COMMD6: variants seen among roughly 807,000 people sequenced by gnomAD.
COMMD6 encodes the protein COMM domain containing 6, also known as COMM domain-containing protein 6.
COMMD6 carries 11 observed loss-of-function variants against 13.4 expected under a neutral mutation model. The ratio of observed to expected loss-of-function variants is 0.82; its 90% CI spans 0.52 to 1.36. The LOEUF (loss-of-function observed/expected upper bound fraction) is 1.36. Ranked by LOEUF, COMMD6 falls within the 40% of genes most tolerant of loss-of-function variation. The probability of loss-of-function intolerance (pLI) is 0.00; values close to 1 mark genes in which losing one functional copy is unlikely to be tolerated. For synonymous variants in COMMD6, 43 were observed against 36.5 expected (o/e 1.18, Z -0.64); for missense variants, 124 against 102.4 (o/e 1.21, Z -0.91).
upstream of COMMD6, chr13:75,538,850 G>C (rs2030770711): frequency 6.6e-6 from 1 of 152,012 alleles, no homozygotes; most frequent in Admixed American, 6.5e-5. Context: ...TAAACGGTCA[G>C]CAGGACTGTG....
upstream of COMMD6, among the ~76,000 whole-genome samples, chr13:75,542,548 C>T (rs887418583): frequency 6.6e-6 from 1 of 152,184 alleles, no homozygotes; most frequent in Non-Finnish European, 1.5e-5. Flanking sequence ...CTTAGCCTCC[C>T]AAAGTACTGG....
chr13:75,536,046 C>T (rs2030652139), intron 2 of COMMD6, among the ~76,000 whole-genome samples: 1 of 152,026 alleles, frequency 6.6e-6, no homozygotes, highest in Non-Finnish European at 1.5e-5. Flanking sequence ...TGCCTCCACA[C>T]CTGATTAATT....
At chr13:75,531,318 G>A (rs1344208788) in intron 2 of COMMD6, among the ~76,000 whole-genome samples, 2 of 152,164 alleles carry the variant, frequency 1.3e-5, no homozygotes, top group Non-Finnish European at 1.5e-5. Context: ...GTTCCCAAGT[G>A]TGCCTCAATC....
chr13:75,535,082 G>T (rs2030616034), intron 2 of COMMD6, among the ~76,000 whole-genome samples: 1 of 152,184 alleles, frequency 6.6e-6, no homozygotes, highest in African/African-American at 2.4e-5. Flanking sequence ...TATAACCTGG[G>T]ACGACCTCTT....
chr13:75,548,902 T>C (rs2030967036), intron 1 of COMMD6, among the ~76,000 whole-genome samples: 1 of 152,224 alleles, frequency 6.6e-6, no homozygotes, highest in African/African-American at 2.4e-5. Flanking sequence ...TCTGTTTACC[T>C]CTACAGCATC....
intron 1 of COMMD6, among the ~76,000 whole-genome samples, chr13:75,547,349 A>C (rs912936939): frequency 2.0e-5 from 3 of 152,206 alleles, no homozygotes; most frequent in Admixed American, 1.3e-4. Context: ...TTTGTGAGTG[A>C]CCACGACAAC....
At chr13:75,528,085 A>T (rs971815252) in intron 3 of COMMD6, among the ~76,000 whole-genome samples, 1 of 151,384 alleles carries the variant, frequency 6.6e-6, no homozygotes, top group African/African-American at 2.4e-5. Context: ...GTGGGGGTGG[A>T]TGTGTTAATT....
intron 2 of COMMD6, among the ~76,000 whole-genome samples, chr13:75,533,604 ATTC>A (rs2030567933): frequency 6.6e-6 from 1 of 151,022 alleles, no homozygotes; most frequent in Non-Finnish European, 1.5e-5. Flanking sequence ...AGAGAGAGAT[ATTC>A]TTCTGGTGGC....
intron 2 of COMMD6, among the ~76,000 whole-genome samples, chr13:75,532,608 G>A (rs1463757536): frequency 2.0e-5 from 3 of 152,106 alleles, no homozygotes; most frequent in Non-Finnish European, 4.4e-5. Flanking sequence ...GAGGTGGGCG[G>A]ATCACGAGGT....
chr13:75,534,056 AC>A (rs1285431993), intron 2 of COMMD6, among the ~76,000 whole-genome samples: 12 of 151,884 alleles, frequency 7.9e-5, no homozygotes, highest in African/African-American at 2.7e-4. Context: ...TGCAGCCTAG[AC>A]CTCCTGGGCT....
upstream of COMMD6, among the ~76,000 whole-genome samples, chr13:75,539,106 T>C (rs2030776963): frequency 6.6e-6 from 1 of 152,220 alleles, no homozygotes; most frequent in African/African-American, 2.4e-5. Flanking sequence ...TGATCTCCCT[T>C]TCTGTATGAT....
upstream of COMMD6, among the ~76,000 whole-genome samples, chr13:75,541,352 C>A (rs1453793964): frequency 1.3e-5 from 2 of 152,020 alleles, no homozygotes. Context: ...ATCTCCACTT[C>A]TCAGTTGTGG....
At chr13:75,548,483 T>C (rs551181467) in intron 1 of COMMD6, among the ~76,000 whole-genome samples, 4 of 152,320 alleles carry the variant, frequency 2.6e-5, no homozygotes, top group African/African-American at 7.2e-5. Flanking sequence ...TGCAGAATAG[T>C]AATATGCACT....
At chr13:75,528,001 GCACACACA>G (rs57959582) in intron 3 of COMMD6, 40,848 of 285,480 alleles carry the variant, frequency 0.14, 2,259 homozygotes, top group Non-Finnish European at 0.17. Flanking sequence ...CATGCCCTCA[GCACACACA>G]CACACACACA....
chr13:75,544,929 A>T (rs2030881750), intron 1 of COMMD6, among the ~76,000 whole-genome samples: 1 of 149,362 alleles, frequency 6.7e-6, no homozygotes. Context: ...CTGTCTCCAA[A>T]AAAAAAAAAA....
At chr13:75,533,063 T>C (rs571774245) in intron 2 of COMMD6, among the ~76,000 whole-genome samples, 1 of 151,784 alleles carries the variant, frequency 6.6e-6, no homozygotes, top group Admixed American at 6.6e-5. Context: ...CCCGAGTAGC[T>C]GGGACTACAG....
chr13:75,541,224 T>C (rs941511624), upstream of COMMD6, among the ~76,000 whole-genome samples: 1 of 152,196 alleles, frequency 6.6e-6, no homozygotes, highest in Non-Finnish European at 1.5e-5. Flanking sequence ...AAATTCTAAC[T>C]TGAGCTAGCC....
upstream of COMMD6, among the ~76,000 whole-genome samples, chr13:75,542,100 C>T (rs1026396389): frequency 6.6e-6 from 1 of 152,130 alleles, no homozygotes; most frequent in African/African-American, 2.4e-5. Flanking sequence ...CAGTCATTAG[C>T]TGGACAGGCA....
intron 3 of COMMD6, chr13:75,527,952 T>C (rs1451679651): frequency 6.3e-6 from 8 of 1,278,656 alleles, no homozygotes; most frequent in Non-Finnish European, 8.1e-6. Flanking sequence ...TACAGTAATA[T>C]TGTTATTGTT....
Sources: allele counts gnomAD v4.1 joint callset (sites outside exome capture counted in the v4.1 genomes callset), GRCh38; gene constraint gnomAD v4.1.1; transcripts MANE v1.5; gene names NCBI Gene and HGNC (gene_info 2026-07-23, HGNC 2026-07-21).